PCDH15: variants seen among roughly 807,000 people sequenced by gnomAD.
PCDH15 encodes the protein protocadherin related 15, also known as protocadherin-15.
In PCDH15, 129 loss-of-function variants were observed where a neutral mutation model predicts 178.5. The observed-to-expected ratio is 0.72, with a 90% CI of 0.63 to 0.84. The LOEUF (loss-of-function observed/expected upper bound fraction) is 0.84. Ranked by LOEUF, PCDH15 falls within the 40% of genes least tolerant of loss-of-function variation. PCDH15 has a pLI of 0.00. For missense variants in PCDH15, 2,230 were observed against 2,099.9 expected (o/e 1.06, Z -1.21); for synonymous variants, 800 against 732.0 (o/e 1.09, Z -1.50).
At chr10:53,969,782 A>G (rs1001113687) in intron 21 of PCDH15, among the ~76,000 whole-genome samples, 1 of 152,208 alleles carries the variant, frequency 6.6e-6, no homozygotes, top group African/African-American at 2.4e-5. Flanking sequence ...AAGGAGAAAT[A>G]AAATCCTTTA....
chr10:55,287,251 C>T (rs941228969), intron 1 of PCDH15, among the ~76,000 whole-genome samples: 1 of 151,960 alleles, frequency 6.6e-6, no homozygotes, highest in Admixed American at 6.6e-5. Context: ...AAAGGTCAGC[C>T]AATTTAAAAT....
At chr10:54,031,611 T>C (rs2093297674) in intron 18 of PCDH15, among the ~76,000 whole-genome samples, 1 of 152,074 alleles carries the variant, frequency 6.6e-6, no homozygotes, top group Non-Finnish European at 1.5e-5. Context: ...TTGGGTGTTA[T>C]TTAACGCAAA....
chr10:55,525,148 C>A (rs76287077), intron 2 of PCDH15, among the ~76,000 whole-genome samples: 2 of 151,584 alleles, frequency 1.3e-5, no homozygotes, highest in African/African-American at 4.8e-5. Context: ...TTGATCTTAG[C>A]GCACTGTTTA....
At chr10:54,437,699 A>C (rs2075515798) in intron 3 of PCDH15, among the ~76,000 whole-genome samples, 1 of 152,194 alleles carries the variant, frequency 6.6e-6, no homozygotes, top group Non-Finnish European at 1.5e-5. Flanking sequence ...GCACATAAAC[A>C]GTTTGATTAG....
intron 20 of PCDH15, among the ~76,000 whole-genome samples, chr10:53,998,944 C>A (rs907668248): frequency 6.7e-6 from 1 of 149,824 alleles, no homozygotes; most frequent in Non-Finnish European, 1.5e-5. Context: ...CCCAGCTACT[C>A]GAGAGGCTGA....
intron 2 of PCDH15, among the ~76,000 whole-genome samples, chr10:55,102,780 G>A (rs1842601688): frequency 6.6e-6 from 1 of 151,914 alleles, no homozygotes; most frequent in African/African-American, 2.4e-5. Context: ...GAGGCCTTAT[G>A]TGTAACATAA....
intron 1 of PCDH15, among the ~76,000 whole-genome samples, chr10:55,283,919 T>C (rs1458193870): frequency 6.6e-6 from 1 of 152,122 alleles, no homozygotes; most frequent in Non-Finnish European, 1.5e-5. Context: ...TTTTTGAATG[T>C]CTATTACTAT....
intron 8 of PCDH15, among the ~76,000 whole-genome samples, chr10:54,275,242 T>C (rs1409925981): frequency 6.6e-6 from 1 of 151,830 alleles, no homozygotes; most frequent in Admixed American, 6.6e-5. Context: ...GCAACAAAAA[T>C]ATGGAAACAG....
intron 2 of PCDH15, among the ~76,000 whole-genome samples, chr10:54,975,278 T>C (rs1839040619): frequency 6.6e-6 from 1 of 152,222 alleles, no homozygotes; most frequent in Non-Finnish European, 1.5e-5. Flanking sequence ...TTGATACCTG[T>C]GTGATCTTTC....
At chr10:54,039,366 G>A (rs868167668) in intron 18 of PCDH15, among the ~76,000 whole-genome samples, 1 of 151,776 alleles carries the variant, frequency 6.6e-6, no homozygotes, top group African/African-American at 2.4e-5. Context: ...TTTCATGATG[G>A]GGATTAAGGG....
chr10:55,069,625 G>A (rs1841672700), intron 2 of PCDH15, among the ~76,000 whole-genome samples: 1 of 143,758 alleles, frequency 7.0e-6, no homozygotes, highest in Non-Finnish European at 1.5e-5. Flanking sequence ...TTTTATGGCT[G>A]CATAGTATTC....
intron 2 of PCDH15, among the ~76,000 whole-genome samples, chr10:55,439,348 A>T (rs139250285): frequency 5.5e-4 from 83 of 152,268 alleles, no homozygotes; most frequent in African/African-American, 2.0e-3. Context: ...ACCTAATCTG[A>T]CCTTCAAGTA....
At chr10:54,608,134 C>CA (rs1371534539) in intron 2 of PCDH15, among the ~76,000 whole-genome samples, 4 of 151,456 alleles carry the variant, frequency 2.6e-5, no homozygotes, top group South Asian at 2.1e-4. Context: ...GATTTCCGAG[C>CA]AAAAAAATCC....
Position 55,329,747 on chromosome 10 carries a change from G to T in PCDH15, c.-155-163096C>A, listed in dbSNP as rs548619963. Among the ~76,000 whole-genome samples, 11 of 151,850 alleles carry T rather than the reference G, an allele frequency of 7.2e-5. No individual in the cohort carries two copies. The South Asian group carries it at 2.3e-3, about 31-fold the overall frequency. On this transcript the variant is annotated intron_variant, in intron 2 of 5. Transcript: ENST00000613346. ...TTTGAGATGCCAACCAATAATATAG[G>T]TTCTAAGAATATATGATTAAACAGG... is the stretch of plus-strand genomic sequence containing the variant.
At chr10:54,999,783 G>A (rs4282902) in intron 2 of PCDH15, among the ~76,000 whole-genome samples, 111,459 of 152,120 alleles carry the variant, frequency 0.73, 40,974 homozygotes, top group East Asian at 0.87. Flanking sequence ...CCTAAGTGTC[G>A]GATGGTCTGA....
intron 2 of PCDH15, among the ~76,000 whole-genome samples, chr10:54,660,114 C>A (rs933211502): frequency 1.3e-4 from 20 of 151,928 alleles, no homozygotes; most frequent in Non-Finnish European, 2.7e-4. Flanking sequence ...ACTGTAAAAA[C>A]CAAACAAGAG....
Position 55,436,376 on chromosome 10 carries a change from C to T in PCDH15, c.-156+191249G>A, listed in dbSNP as rs192410620. On this transcript the variant is annotated intron_variant, in intron 2 of 5. Coordinates refer to the PCDH15 transcript ENST00000613346. ...TGATTAAAACATTTAAATAATTTTT[C>T]AGTTTTAATGAAACAGGAATTTCAA... 2.6e-3 allele frequency among the ~76,000 whole-genome samples: 398 copies of T among 152,078 alleles called. 2 individuals carry two copies. Among genetic ancestry groups the T allele is most frequent in the African/African-American group, 8.9e-3 (370 of 41,524 alleles).
chr10:54,838,522 A>G (rs1467666274), intron 3 of PCDH15, among the ~76,000 whole-genome samples: 1 of 152,078 alleles, frequency 6.6e-6, no homozygotes, highest in African/African-American at 2.4e-5. Context: ...TTTATAAATT[A>G]CCCAGTCTCG....
At chr10:55,192,481 T>A (rs2079364706) in intron 1 of PCDH15, among the ~76,000 whole-genome samples, 1 of 151,880 alleles carries the variant, frequency 6.6e-6, no homozygotes, top group Admixed American at 6.6e-5. Flanking sequence ...TGAGTTATTT[T>A]CTGGGTCACT....
Sources: gnomAD v4.1 joint callset for allele counts (sites outside exome capture counted in the v4.1 genomes callset) on GRCh38, gnomAD v4.1.1 for gene constraint, MANE v1.5 for transcripts, NCBI Gene and HGNC (gene_info 2026-07-23, HGNC 2026-07-21) for gene names.